Variants in SLC28A1 observed in about 807,000 individuals in gnomAD.
SLC28A1 encodes sodium/nucleoside cotransporter 1.
A neutral mutation model predicts 74.8 loss-of-function variants in SLC28A1; 64 were observed. The ratio of observed to expected loss-of-function variants is 0.86; its 90% CI spans 0.70 to 1.05. The LOEUF (loss-of-function observed/expected upper bound fraction) is 1.05. Ranked by LOEUF, SLC28A1 falls within the 50% of genes least tolerant of loss-of-function variation. The pLI is 0.00. For synonymous variants in SLC28A1, 359 were observed against 335.0 expected, an observed-to-expected ratio of 1.07 and a Z score of -0.78; for missense variants, 828 against 822.8, an observed-to-expected ratio of 1.01 and a Z score of -0.08.
rs748804179 is a variant in SLC28A1 at position 84,894,941 on chromosome 15, G to T, written c.279G>T (p.Gly93=). ...RWIGTGLLCT[G]LSAFLLVACL... Reference sequence around the variant, plus strand: ...CCCCTCCTCTGTCTCATCCCCCAGGGCTCTCTGCCTTCCTGCTGGTGGCCT... The same window carrying T: ...CCCCTCCTCTGTCTCATCCCCCAGGTCTCTCTGCCTTCCTGCTGGTGGCCT... The change falls in exon 6 of 19, where the codon GGG becomes GGT. Residue 93 remains glycine (G), a splice_region_variant and synonymous_variant. Transcript: ENST00000394573. The T allele has an allele frequency of 6.2e-7, 1 of 1,613,924 alleles. No individual in the cohort carries two copies. The highest frequency in any genetic ancestry group is 1.3e-5 in the African/African-American group (1 of 74,912).
intron 12 of SLC28A1, among the ~76,000 whole-genome samples, chr15:84,926,802 A>AG (rs544419272): frequency 0.44 from 47,528 of 107,432 alleles, 10,117 homozygotes; most frequent in Middle Eastern, 0.61. Flanking sequence ...GGGTGGGGGG[A>AG]GGGGGGGGGT....
At chr15:84,898,536 G>T (rs1197617875) in intron 6 of SLC28A1, among the ~76,000 whole-genome samples, 1 of 147,182 alleles carries the variant, frequency 6.8e-6, no homozygotes, top group Non-Finnish European at 1.5e-5. Flanking sequence ...CTGAGATCTC[G>T]CCACTGCACT....
At chr15:84,947,991 C>T (rs963438251), downstream of SLC28A1, among the ~76,000 whole-genome samples, 3 of 146,524 alleles carry the variant, frequency 2.0e-5, no homozygotes, top group Non-Finnish European at 4.5e-5. Context: ...TTTTAAATGG[C>T]ATGGGGAAAA....
At chr15:84,965,903 A>AGGGGGGGGGGGGGGGGGGG in the SLC28A1 span, among the ~76,000 whole-genome samples, 3 of 117,756 alleles carry the variant, frequency 2.5e-5, no homozygotes, top group African/African-American at 1.0e-4. Context: ...GGAGGCGGGG[A>AGGGGGGGGGGGGGGGGGGG]GGGGGGGGAA....
At chr15:84,946,083 T>TATATA (rs1321419859), downstream of SLC28A1, among the ~76,000 whole-genome samples, 4 of 36,244 alleles carry the variant, frequency 1.1e-4, no homozygotes, top group African/African-American at 5.0e-4. Flanking sequence ...TGTGTGTATG[T>TATATA]TCATATATAT....
At chr15:84,957,709 A>G in the SLC28A1 span, among the ~76,000 whole-genome samples, 2 of 152,118 alleles carry the variant, frequency 1.3e-5, no homozygotes, top group African/African-American at 4.8e-5. Context: ...CACTATTTTG[A>G]TTACTGTAGC....
intron 1 of SLC28A1, among the ~76,000 whole-genome samples, chr15:84,885,084 GAGT>G (rs1375482689): frequency 1.3e-5 from 2 of 151,876 alleles, no homozygotes; most frequent in African/African-American, 4.8e-5. Flanking sequence ...TCAGCCTCCC[GAGT>G]AGCTGGGACT....
At chr15:84,903,745 G>T (rs576339215) in intron 6 of SLC28A1, among the ~76,000 whole-genome samples, 1 of 152,172 alleles carries the variant, frequency 6.6e-6, no homozygotes, top group African/African-American at 2.4e-5. Context: ...TCACTGCAGC[G>T]GTGAGATTCC....
the SLC28A1 span, among the ~76,000 whole-genome samples, chr15:84,965,126 G>A: frequency 6.6e-6 from 1 of 152,174 alleles, no homozygotes; most frequent in South Asian, 2.1e-4. Context: ...AGTATTGGGG[G>A]TGGTTACCCC....
chr15:84,904,091 C>A lies in SLC28A1; in HGVS notation c.462-6C>A. 1.2e-6 allele frequency: 2 copies of A among 1,614,176 alleles called. No individual in the cohort carries two copies. Among genetic ancestry groups the A allele is most frequent in the Non-Finnish European group, 1.7e-6 (2 of 1,180,034 alleles). ...AGGGTAATGGCTTTCTGTCTCTTGC[C>A]TGCAGGGGTCTAGCTCTTGCTGCTT... On this transcript the variant is annotated splice_polypyrimidine_tract_variant and splice_region_variant and intron_variant, in intron 6 of 18. Coordinates refer to ENST00000394573, the MANE Select transcript of SLC28A1 (RefSeq NM_004213.5).
At chr15:84,906,012 T>A (rs570641301) in intron 8 of SLC28A1, among the ~76,000 whole-genome samples, 1 of 114,326 alleles carries the variant, frequency 8.7e-6, no homozygotes, top group Admixed American at 9.3e-5. Context: ...GTTATACATT[T>A]TTGTTCTTTT....
At position 84,887,819 on chromosome 15, in the gene SLC28A1, G is replaced by A; in HGVS notation, c.59G>A (p.Gly20Asp). The change falls in exon 3 of 19, where the codon GGT (glycine) becomes GAT (aspartate). Residue 20 changes from glycine to aspartate, a missense_variant. Around this residue, in one of 3 missense-constraint regions of SLC28A1, gnomAD observed 767 missense variants for 753.5 expected, o/e 1.02. Transcript: ENST00000394573. Reference sequence around the variant, plus strand: ...ATCTCTCTCACACCTGTGGCCAAGGGTCTGGAGAACATGGGGGCTGATTTC... The same window carrying A: ...ATCTCTCTCACACCTGTGGCCAAGGATCTGGAGAACATGGGGGCTGATTTC... ...ESISLTPVAK[G>D]LENMGADFLE... 6.2e-7 allele frequency: 1 copy of A among 1,614,092 alleles called. No individual in the cohort carries two copies. Among genetic ancestry groups the A allele is most frequent in the South Asian group, 1.1e-5 (1 of 91,078 alleles).
intron 2 of SLC28A1, chr15:84,887,435 A>G (rs1964722547): frequency 3.0e-5 from 29 of 982,984 alleles, no homozygotes; most frequent in Non-Finnish European, 3.5e-5. Flanking sequence ...TGTAATCCCA[A>G]CACTTTGGGA....
rs777018223 is a variant in SLC28A1, at chr15:84,935,328, G to C, written c.1391G>C (p.Cys464Ser). The change falls in exon 15 of 19, where the codon TGC becomes TCC. Residue 464 changes from cysteine to serine, a missense_variant. Cys to Ser is a moderately radical substitution (Grantham distance 112). This residue lies in a region of SLC28A1 where 767 missense variants were observed against 753.5 expected (regional missense o/e 1.02). Coordinates refer to ENST00000394573, the MANE Select transcript of SLC28A1 (RefSeq NM_004213.5). ...DIQGLSFQLI[C>S]SYILRPVAFL... ...ATACCGTTGTGCCCTCAGCTCATCT[G>C]CTCCTACATCCTGCGGCCTGTAGCC... 1.9e-6 allele frequency: 3 copies of C among 1,614,090 alleles called. No individual in the cohort carries two copies. The highest frequency in any genetic ancestry group is 2.7e-5 in the African/African-American group (2 of 74,932).
downstream of SLC28A1, among the ~76,000 whole-genome samples, chr15:84,949,607 C>G (rs541846295): frequency 2.1e-5 from 3 of 141,122 alleles, no homozygotes; most frequent in African/African-American, 8.0e-5. Flanking sequence ...CGGGGACTCT[C>G]TCTATGTTGC....
chr15:84,920,051 G>C (rs1217822892), intron 10 of SLC28A1, among the ~76,000 whole-genome samples: 1 of 152,198 alleles, frequency 6.6e-6, no homozygotes, highest in African/African-American at 2.4e-5. Flanking sequence ...GAGGATAGCT[G>C]TCTCCAAATA....
chr15:84,960,728 G>A, the SLC28A1 span, among the ~76,000 whole-genome samples: 1 of 152,162 alleles, frequency 6.6e-6, no homozygotes, highest in Non-Finnish European at 1.5e-5. Flanking sequence ...GCAGTAATAG[G>A]TGCCTCCAGT....
At chr15:84,910,455 G>A (rs551545229) in intron 9 of SLC28A1, among the ~76,000 whole-genome samples, 20 of 152,300 alleles carry the variant, frequency 1.3e-4, no homozygotes, top group Non-Finnish European at 1.6e-4. Context: ...TCAGCTGGGC[G>A]CGGTGGCTCA....
chr15:84,928,513 T>C (rs1970758718), intron 12 of SLC28A1, among the ~76,000 whole-genome samples: 1 of 149,972 alleles, frequency 6.7e-6, no homozygotes, highest in Non-Finnish European at 1.5e-5. Flanking sequence ...TCCTTCAAGC[T>C]CCCAGGTTCG....
Sources: allele counts gnomAD v4.1 joint callset (sites outside exome capture counted in the v4.1 genomes callset), GRCh38; gene constraint gnomAD v4.1.1; regional missense constraint gnomAD v4.1.1; transcripts MANE v1.5; gene names NCBI Gene and HGNC (gene_info 2026-07-23, HGNC 2026-07-21).